Variants in MTMR3 observed in about 807,000 individuals in gnomAD.
MTMR3 encodes the protein myotubularin related protein 3.
In MTMR3, 32 loss-of-function variants were observed where a neutral mutation model predicts 132.4. That is an observed-to-expected ratio of 0.24 (90% CI 0.18 to 0.32). The LOEUF is 0.32. Ranked by LOEUF, MTMR3 falls within the 10% of genes least tolerant of loss-of-function variation. The pLI is 1.00. For synonymous variants in MTMR3, 556 were observed against 550.3 expected (o/e 1.01, Z -0.14); for missense variants, 1,216 against 1,489.6 (o/e 0.82, Z 3.02).
chr22:29,896,342 T>C (rs1434204032), intron 1 of MTMR3, among the ~76,000 whole-genome samples: 1 of 152,094 alleles, frequency 6.6e-6, no homozygotes, highest in African/African-American at 2.4e-5. Context: ...CTTTTTCACC[T>C]TTCCAGTTGG....
chr22:29,900,692 G>C (rs1361324089), intron 1 of MTMR3, among the ~76,000 whole-genome samples: 2 of 152,076 alleles, frequency 1.3e-5, no homozygotes, highest in Non-Finnish European at 2.9e-5. Context: ...TGCCTAGGTG[G>C]GTTGAGTTCT....
intron 1 of MTMR3, among the ~76,000 whole-genome samples, chr22:29,890,761 C>T (rs1319670985): frequency 1.3e-5 from 2 of 152,076 alleles, no homozygotes; most frequent in African/African-American, 2.4e-5. Context: ...CTTAACTCTT[C>T]GGAGGGAGCT....
In MTMR3 at chr22:30,029,846, T is replaced by C. The variant is rs1215757635; in HGVS notation, c.*4045T>C. 1 of 152,378 alleles carries C rather than the reference T, an allele frequency of 6.6e-6. No individual in the cohort carries two copies. Among genetic ancestry groups the C allele is most frequent in the East Asian group, 1.9e-4 (1 of 5,338 alleles). The allele number at this position is 152,378 out of a possible 1,614,324, so 9.4% of individuals were successfully genotyped here. A position where few individuals can be genotyped will look rare whatever the true frequency, so the allele number is the denominator to read the frequency against. ...GCAGGAGTCCCAGCTGTTTAATTTC[T>C]AGTCACATTTTCCAGAAAGTTGTTC... is the stretch of plus-strand genomic sequence containing the variant. On this transcript the variant is annotated 3_prime_UTR_variant, in exon 20 of 20. Transcript: ENST00000401950.
At chr22:29,969,919 C>G (rs912767126) in intron 2 of MTMR3, among the ~76,000 whole-genome samples, 1 of 152,208 alleles carries the variant, frequency 6.6e-6, no homozygotes. Flanking sequence ...CTTTTATGTT[C>G]TCTTGTTCCC....
intron 1 of MTMR3, among the ~76,000 whole-genome samples, chr22:29,921,575 A>T (rs2065414213): frequency 6.6e-6 from 1 of 152,158 alleles, no homozygotes; most frequent in South Asian, 2.1e-4. Flanking sequence ...GTTTTCTGGC[A>T]TTTAAATACT....
intron 7 of MTMR3, chr22:29,997,850 A>G (rs2067093039): frequency 6.6e-6 from 1 of 152,226 alleles, no homozygotes; most frequent in South Asian, 2.1e-4. Flanking sequence ...ACCTGGTATG[A>G]ATGATCTATA....
chr22:29,885,444 A>G (rs943250660), intron 1 of MTMR3, among the ~76,000 whole-genome samples: 17 of 152,234 alleles, frequency 1.1e-4, no homozygotes, highest in Admixed American at 2.0e-4. Flanking sequence ...TTGTTGCCAA[A>G]AGTTAATTTG....
chr22:29,897,322 G>C (rs2064920930), intron 1 of MTMR3, among the ~76,000 whole-genome samples: 1 of 152,026 alleles, frequency 6.6e-6, no homozygotes, highest in Non-Finnish European at 1.5e-5. Flanking sequence ...TGATTGGCCT[G>C]CCTTGGCCTC....
chr22:29,895,071 G>A lies in MTMR3; in HGVS notation c.-138+11712G>A, dbSNP rs543018220. 6.6e-5 allele frequency among the ~76,000 whole-genome samples: 10 copies of A among 152,230 alleles called. No homozygotes were observed. The East Asian group carries it at 1.9e-3, about 29-fold the overall frequency. On this transcript the variant is annotated intron_variant, in intron 1 of 19. Transcript: ENST00000401950. ...AAAAATACAAAAATTAACGGGGCGC[G>A]GTGGTGGGCATCTGTAATCCCAGCT...
chr22:29,940,037 G>T (rs1231650326), intron 1 of MTMR3, among the ~76,000 whole-genome samples: 1 of 152,180 alleles, frequency 6.6e-6, no homozygotes, highest in Non-Finnish European at 1.5e-5. Context: ...GGAGGCCGAG[G>T]TGGGCAGATC....
rs1367032312 is a variant in MTMR3, at chr22:29,885,394, A to G, written c.-138+2035A>G. Among the ~76,000 whole-genome samples the G allele has an allele frequency of 2.6e-5, 4 of 152,232 alleles. No homozygotes were observed. The East Asian group carries it at 7.7e-4, about 29-fold the overall frequency. The stretch of plus-strand genomic sequence containing the variant: ...AAACTTAAAGAGATGCAAATTGAGC[A>G]TCTCTTAAAATATAATGGATTTATG... On this transcript the variant is annotated intron_variant, in intron 1 of 19. Transcript: ENST00000401950.
intron 13 of MTMR3, 99 bp from the exon 14 acceptor site, chr22:30,013,257 A>C: frequency 1.6e-6 from 2 of 1,265,900 alleles, no homozygotes; most frequent in Non-Finnish European, 1.1e-6. Flanking sequence ...GCTTTCTGGG[A>C]GGCTGTTAGA....
At chr22:29,923,284 G>C (rs2065455544) in intron 1 of MTMR3, among the ~76,000 whole-genome samples, 1 of 151,160 alleles carries the variant, frequency 6.6e-6, no homozygotes, top group East Asian at 1.9e-4. Context: ...ATGTTAGCCA[G>C]GATGGTCTCA....
chr22:30,007,411 C>T, intron 10 of MTMR3, 92 bp downstream of exon 10: 1 of 1,267,678 alleles, frequency 7.9e-7, no homozygotes, highest in African/African-American at 1.5e-5. Flanking sequence ...CATAGATTTA[C>T]TTTTATAGAA....
intron 1 of MTMR3, among the ~76,000 whole-genome samples, chr22:29,946,298 A>G (rs2065952976): frequency 6.6e-6 from 1 of 152,138 alleles, no homozygotes. Flanking sequence ...GAGGCAGATG[A>G]TGGATTCTGT....
Position 30,020,524 on chromosome 22 carries a change from T to C in MTMR3, c.2865T>C (p.Asn955=). 1 of 1,614,134 alleles carries C rather than the reference T, an allele frequency of 6.2e-7. No individual in the cohort carries two copies. The highest frequency in any genetic ancestry group is 8.5e-7 in the Non-Finnish European group (1 of 1,180,012). ...CCCTCCAGATGTACCCCACACCCAATGGGCATTGCGCCAATGGGGAGGCTG... is the reference window on the plus strand; with the variant it reads ...CCCTCCAGATGTACCCCACACCCAACGGGCATTGCGCCAATGGGGAGGCTG... ...LSTLQMYPTP[N]GHCANGEAGR... Residue 955 remains asparagine (N), a synonymous_variant, in exon 17 of 20, where the codon AAT becomes AAC. Coordinates refer to ENST00000401950, the MANE Select transcript of MTMR3 (RefSeq NM_021090.4).
chr22:29,945,734 A>AAAAAAAAAAAAAAAAAAAAAT (rs2065940783), intron 1 of MTMR3, among the ~76,000 whole-genome samples: 1 of 149,724 alleles, frequency 6.7e-6, no homozygotes, highest in African/African-American at 2.5e-5. Context: ...AAAAAAAAAA[A>AAAAAAAAAAAAAAAAAAAAAT]TTTCGAGCCA....
chr22:29,896,136 C>T (rs1377358254), intron 1 of MTMR3, among the ~76,000 whole-genome samples: 1 of 152,056 alleles, frequency 6.6e-6, no homozygotes, highest in Non-Finnish European at 1.5e-5. Flanking sequence ...GTGGTGAAAC[C>T]CCATGTCTAC....
intron 1 of MTMR3, among the ~76,000 whole-genome samples, chr22:29,901,882 T>G (rs1189273758): frequency 7.2e-5 from 11 of 152,218 alleles, no homozygotes; most frequent in Non-Finnish European, 1.5e-4. Flanking sequence ...TTTTTATGTA[T>G]CAGTAATTAC....
Sources: allele counts gnomAD v4.1 joint callset (sites outside exome capture counted in the v4.1 genomes callset), GRCh38; gene constraint gnomAD v4.1.1; transcripts MANE v1.5; gene names NCBI Gene and HGNC (gene_info 2026-07-23, HGNC 2026-07-21).